The following BLTP1 variants were observed in gnomAD, a reference collection of about 807,000 sequenced individuals.
BLTP1 encodes the protein fragile site-associated protein.
chr4:122,332,647 A>G, the BLTP1 span, among the ~76,000 whole-genome samples: 11 of 99,694 alleles, frequency 1.1e-4, no homozygotes, highest in African/African-American at 4.2e-4. Flanking sequence ...TTTTTTTATT[A>G]TACTCTAAGT....
At chr4:122,297,644 C>CA in the BLTP1 span, among the ~76,000 whole-genome samples, 2 of 152,114 alleles carry the variant, frequency 1.3e-5, no homozygotes, top group Non-Finnish European at 2.9e-5. Context: ...ATAGCAAAGA[C>CA]ATGGAATCAA....
chr4:122,164,227 G>T, the BLTP1 span, among the ~76,000 whole-genome samples: 1 of 152,156 alleles, frequency 6.6e-6, no homozygotes, highest in Non-Finnish European at 1.5e-5. Flanking sequence ...CTATACCTTG[G>T]CCATGGTTAT....
At chr4:122,280,568 C>T in the BLTP1 span, among the ~76,000 whole-genome samples, 4,279 of 150,298 alleles carry the variant, frequency 0.028, 137 homozygotes, top group African/African-American at 0.081. Flanking sequence ...GAGGCTGAGG[C>T]AGGAGAATCG....
chr4:122,234,877 T>C, the BLTP1 span: 18 of 1,613,912 alleles, frequency 1.1e-5, no homozygotes, highest in Non-Finnish European at 1.4e-5. Flanking sequence ...GTAACTGGCC[T>C]AGATTTCTTC....
the BLTP1 span, among the ~76,000 whole-genome samples, chr4:122,168,968 G>A: frequency 1.3e-5 from 2 of 152,096 alleles, no homozygotes; most frequent in Non-Finnish European, 2.9e-5. Context: ...ATTTATTTTA[G>A]AAGGGGTCTC....
the BLTP1 span, chr4:122,185,038 C>T: frequency 1.8e-5 from 18 of 985,108 alleles, no homozygotes; most frequent in East Asian, 1.1e-4. Context: ...GATAGCAAAA[C>T]GATAGAAGAC....
chr4:122,329,628 G>A, the BLTP1 span, among the ~76,000 whole-genome samples: 10 of 150,018 alleles, frequency 6.7e-5, no homozygotes, highest in South Asian at 1.1e-3. Flanking sequence ...TATGTTTTAC[G>A]TTGCCTTCGT....
the BLTP1 span, chr4:122,340,866 A>G: frequency 1.2e-5 from 11 of 909,790 alleles, no homozygotes; most frequent in Non-Finnish European, 1.4e-5. Flanking sequence ...TGAAAATGAG[A>G]ATATCCCTTT....
the BLTP1 span, among the ~76,000 whole-genome samples, chr4:122,169,306 A>G: frequency 7.2e-5 from 11 of 152,180 alleles, no homozygotes; most frequent in Non-Finnish European, 1.5e-4. Context: ...ATAAACAGAA[A>G]ACAGGTTTAG....
the BLTP1 span, chr4:122,251,110 A>C: frequency 3.6e-5 from 35 of 985,170 alleles, 1 homozygote; most frequent in African/African-American, 4.0e-4. Flanking sequence ...ATGTCGTGCC[A>C]CTAACTGGTG....
chr4:122,235,011 A>G, the BLTP1 span: 2 of 1,600,876 alleles, frequency 1.2e-6, no homozygotes, highest in South Asian at 2.2e-5. Flanking sequence ...AGAAATTCCC[A>G]AAATTATAGA....
the BLTP1 span, chr4:122,226,983 C>T: frequency 1.1e-5 from 7 of 637,632 alleles, no homozygotes; most frequent in East Asian, 2.5e-4. Flanking sequence ...TAAATTCTTA[C>T]CCATTTTAGT....
the BLTP1 span, chr4:122,200,352 C>T: frequency 2.1e-5 from 18 of 840,986 alleles, no homozygotes; most frequent in South Asian, 1.1e-4. Flanking sequence ...CTGAGGCAGG[C>T]GGATCACTTG....
At chr4:122,357,221 C>G in the BLTP1 span, among the ~76,000 whole-genome samples, 9 of 152,030 alleles carry the variant, frequency 5.9e-5, no homozygotes, top group African/African-American at 2.2e-4. Flanking sequence ...GGTTCATGAG[C>G]TTGCTAACAT....
the BLTP1 span, chr4:122,175,708 G>C: frequency 1.6e-5 from 9 of 570,246 alleles, no homozygotes; most frequent in Non-Finnish European, 2.8e-5. Flanking sequence ...ACGAAAAGAT[G>C]TGTGTTTATG....
the BLTP1 span, chr4:122,273,508 T>A: frequency 1.2e-6 from 1 of 837,386 alleles, no homozygotes; most frequent in Non-Finnish European, 1.4e-6. Context: ...AAATTGTCAG[T>A]TTTTTCATCT....
At chr4:122,211,311 A>G in the BLTP1 span, among the ~76,000 whole-genome samples, 1 of 150,098 alleles carries the variant, frequency 6.7e-6, no homozygotes, top group Non-Finnish European at 1.5e-5. Flanking sequence ...TGCATTTAGT[A>G]TGTTCTAGGA....
chr4:122,294,687 A>G, the BLTP1 span, among the ~76,000 whole-genome samples: 132 of 152,368 alleles, frequency 8.7e-4, 1 homozygote, highest in East Asian at 0.021. Context: ...CTGAAAACTC[A>G]AAAAGCCAGA....
At chr4:122,223,236 C>T in the BLTP1 span, 1 of 762,944 alleles carries the variant, frequency 1.3e-6, no homozygotes. Flanking sequence ...TAGAGTTAGC[C>T]CTTATCCTTA....
Sources: allele counts gnomAD v4.1 joint callset (sites outside exome capture counted in the v4.1 genomes callset), GRCh38; gene constraint gnomAD v4.1.1; transcripts MANE v1.5; gene names NCBI Gene and HGNC (gene_info 2026-07-23, HGNC 2026-07-21).